The following CHST3 variants were observed in gnomAD, a reference collection of about 807,000 sequenced individuals.
CHST3 encodes C6ST-1.
Under a neutral mutation model 35.4 loss-of-function variants are expected in CHST3, and 20 were observed. The ratio of observed to expected loss-of-function variants is 0.57; its 90% CI spans 0.40 to 0.82. The LOEUF is 0.82. Ranked by LOEUF, CHST3 falls within the 40% of genes least tolerant of loss-of-function variation. The pLI is 0.00. For missense variants in CHST3, 693 were observed against 670.1 expected, an observed-to-expected ratio of 1.03 and a Z score of -0.38; for synonymous variants, 334 against 295.9, an observed-to-expected ratio of 1.13 and a Z score of -1.32.
At chr10:71,978,674 A>C (rs1839770713) in intron 1 of CHST3, among the ~76,000 whole-genome samples, 1 of 152,190 alleles carries the variant, frequency 6.6e-6, no homozygotes, top group East Asian at 1.9e-4. Flanking sequence ...CTCTTTTTGC[A>C]GATAAGCCCA....
rs1302627961 is a variant in CHST3 at position 72,008,000 on chromosome 10, G to A, written c.969G>A (p.Lys323=). The A allele has an allele frequency of 6.5e-7, 1 of 1,549,570 alleles. No homozygotes were observed. The highest frequency in any genetic ancestry group is 8.7e-7 in the Non-Finnish European group (1 of 1,146,510). Residue 323 remains lysine (K), a synonymous_variant, in exon 3 of 3, where the codon AAG becomes AAA. Coordinates refer to ENST00000373115, the MANE Select transcript of CHST3 (RefSeq NM_004273.5). The part of the protein sequence containing the change: ...AFAGKYKTWK[K]WLDDEGQDGL... ...CCGGCAAGTATAAGACCTGGAAGAA[G>A]TGGCTGGACGACGAGGGCCAGGACG... is the stretch of plus-strand genomic sequence containing the variant.
chr10:71,970,008 A>G (rs1839674468), intron 1 of CHST3, among the ~76,000 whole-genome samples: 2 of 152,200 alleles, frequency 1.3e-5, no homozygotes, highest in South Asian at 4.1e-4. Flanking sequence ...AGATGACAGA[A>G]TGCTGCTGGT....
At chr10:71,969,819 C>A (rs1016801154) in intron 1 of CHST3, among the ~76,000 whole-genome samples, 1 of 152,130 alleles carries the variant, frequency 6.6e-6, no homozygotes, top group Admixed American at 6.5e-5. Context: ...CAGGAGGGGC[C>A]GTGAATGCTT....
intron 1 of CHST3, among the ~76,000 whole-genome samples, chr10:72,002,868 C>T (rs538392537): frequency 6.6e-6 from 1 of 152,314 alleles, no homozygotes; most frequent in South Asian, 2.1e-4. Flanking sequence ...TTTTGGACAG[C>T]TGGTCTGTGC....
Position 72,008,307 on chromosome 10 carries a change from G to A in CHST3, c.1276G>A (p.Glu426Lys), listed in dbSNP as rs1223108562. The change falls in exon 3 of 3, where the codon GAG (glutamate) becomes AAG (lysine). Residue 426 changes from glutamate to lysine, a missense_variant. Glu to Lys is a moderately conservative substitution (Grantham distance 56, BLOSUM62 1). Coordinates refer to ENST00000373115, the MANE Select transcript of CHST3 (RefSeq NM_004273.5). Reference sequence around the variant, plus strand: ...GCAGAAGAACTCCTCGGAGCAGTTCGAGAAGTGGCGCTTCAGCATGCCCTT... The same window carrying A: ...GCAGAAGAACTCCTCGGAGCAGTTCAAGAAGTGGCGCTTCAGCATGCCCTT... Reference protein sequence around the residue: ...STQKNSSEQFEKWRFSMPFKL... With the variant: ...STQKNSSEQFKKWRFSMPFKL... 4 of 1,582,896 alleles carry A rather than the reference G, an allele frequency of 2.5e-6. No homozygotes were observed. Among genetic ancestry groups the A allele is most frequent in the South Asian group, 1.2e-5 (1 of 86,408 alleles).
rs1840103753 is a variant in CHST3, at chr10:72,010,919, G to A, written c.*2448G>A. On this transcript the variant is annotated 3_prime_UTR_variant, in exon 3 of 3. Transcript: ENST00000373115. ...AGACTTTATCCCTCCTTCTTACTCT[G>A]GGCCAAGACCTCCCACTCCGCCCTC... The A allele has an allele frequency of 1.3e-5, 2 of 152,256 alleles. No individual in the cohort carries two copies. Among genetic ancestry groups the A allele is most frequent in the African/African-American group, 4.8e-5 (2 of 41,434 alleles). 9.4% of individuals were successfully genotyped at this position (152,256 alleles called of 1,614,324 possible). A position where few individuals can be genotyped will look rare whatever the true frequency, so the allele number is the denominator to read the frequency against.
intron 1 of CHST3, among the ~76,000 whole-genome samples, chr10:71,966,948 G>T (rs1839637335): frequency 6.6e-6 from 1 of 152,146 alleles, no homozygotes; most frequent in East Asian, 1.9e-4. Context: ...TATGCCATGG[G>T]GGTTTGGTGT....
chr10:71,979,853 G>A (rs567231037), intron 1 of CHST3, among the ~76,000 whole-genome samples: 5 of 152,302 alleles, frequency 3.3e-5, no homozygotes, highest in Admixed American at 1.3e-4. Context: ...GTCCGTATGC[G>A]TATAGACACC....
intron 1 of CHST3, among the ~76,000 whole-genome samples, chr10:71,972,789 G>T (rs1295512192): frequency 2.6e-5 from 4 of 152,176 alleles, no homozygotes; most frequent in Non-Finnish European, 4.4e-5. Flanking sequence ...CTTCCCAGCT[G>T]CCAAGAACAT....
chr10:72,005,996 G>T lies in CHST3; in HGVS notation c.140+14G>T. 1 of 1,591,138 alleles carries T rather than the reference G, an allele frequency of 6.3e-7. No homozygotes were observed. The highest frequency in any genetic ancestry group is 8.6e-7 in the Non-Finnish European group (1 of 1,163,298). On this transcript the variant is annotated intron_variant, in intron 2 of 2. Coordinates refer to ENST00000373115, the MANE Select transcript of CHST3 (RefSeq NM_004273.5). The stretch of plus-strand genomic sequence containing the variant: ...AATCATATCAAGGTGAGGGTTGCAA[G>T]CCCAAGTCTTCATCTTCCTTTCAAG...
At chr10:71,987,276 G>A (rs1564527333) in intron 1 of CHST3, among the ~76,000 whole-genome samples, 1 of 150,608 alleles carries the variant, frequency 6.6e-6, no homozygotes, top group South Asian at 2.1e-4. Flanking sequence ...CAGGGCGGGA[G>A]CAGGAAAAAA....
chr10:72,000,224 C>T (rs774542443), intron 1 of CHST3, among the ~76,000 whole-genome samples: 7 of 152,174 alleles, frequency 4.6e-5, no homozygotes, highest in Non-Finnish European at 8.8e-5. Flanking sequence ...GACATTGATT[C>T]GTTCATTCAT....
In CHST3 at chr10:72,007,364, GGAGGAA is replaced by G. The variant is rs1216675766; in HGVS notation, c.343_348del (p.Glu115_Glu116del). On this transcript the variant is annotated inframe_deletion, in exon 3 of 3. Coordinates refer to ENST00000373115, the MANE Select transcript of CHST3 (RefSeq NM_004273.5). ...TGGAGCCAGCCATGGAGGCCGCAGG[GGAGGAA>G]GAGGAAGAGCAGAGAAAGGAGGAGG... is the stretch of plus-strand genomic sequence containing the variant. 3 of 1,606,368 alleles carry G rather than the reference GGAGGAA, an allele frequency of 1.9e-6. No individual in the cohort carries two copies. The highest frequency in any genetic ancestry group is 2.5e-6 in the Non-Finnish European group (3 of 1,176,748).
intron 1 of CHST3, among the ~76,000 whole-genome samples, chr10:71,977,737 T>C (rs1426614479): frequency 6.6e-6 from 1 of 152,120 alleles, no homozygotes; most frequent in Non-Finnish European, 1.5e-5. Flanking sequence ...TGGCGTGATC[T>C]CAGCTCACCA....
chr10:72,004,538 C>T (rs566799300), intron 1 of CHST3, among the ~76,000 whole-genome samples: 6 of 152,150 alleles, frequency 3.9e-5, no homozygotes, highest in Non-Finnish European at 7.3e-5. Context: ...TTATAATTTA[C>T]GTATACACAT....
chr10:71,977,256 CAGCTTCCA>C (rs1312186885), intron 1 of CHST3, among the ~76,000 whole-genome samples: 11 of 152,220 alleles, frequency 7.2e-5, no homozygotes, highest in Admixed American at 7.2e-4. Context: ...CCTGCCCGCT[CAGCTTCCA>C]AGCCTAGCAG....
At chr10:71,971,510 C>T (rs879896678) in intron 1 of CHST3, among the ~76,000 whole-genome samples, 6 of 152,238 alleles carry the variant, frequency 3.9e-5, no homozygotes, top group Non-Finnish European at 7.3e-5. Flanking sequence ...CCAGCCCACA[C>T]AGCTACCTGA....
chr10:71,978,960 A>G (rs1278216944), intron 1 of CHST3, among the ~76,000 whole-genome samples: 2 of 152,134 alleles, frequency 1.3e-5, no homozygotes, highest in African/African-American at 4.8e-5. Flanking sequence ...GGGGAAGTTC[A>G]ATAACATACC....
chr10:71,990,655 GCCCAGCCTCTA>G (rs1839889166), intron 1 of CHST3, among the ~76,000 whole-genome samples: 1 of 152,126 alleles, frequency 6.6e-6, no homozygotes, highest in South Asian at 2.1e-4. Context: ...GAGCCACCAT[GCCCAGCCTCTA>G]AAAAGAACAC....
Sources: allele counts gnomAD v4.1 joint callset (sites outside exome capture counted in the v4.1 genomes callset), GRCh38; gene constraint gnomAD v4.1.1; transcripts MANE v1.5; gene names NCBI Gene and HGNC (gene_info 2026-07-23, HGNC 2026-07-21).